SLC9A9: variants seen among roughly 807,000 people sequenced by gnomAD.
SLC9A9 encodes the protein solute carrier family 9 member A9.
SLC9A9 carries 62 observed loss-of-function variants against 77.8 expected under a neutral mutation model. The ratio of observed to expected loss-of-function variants is 0.80; its 90% CI spans 0.65 to 0.98. The LOEUF is 0.98. Among genes scored for constraint, SLC9A9 ranks in the 50% least tolerant of loss-of-function variants. The pLI is 0.00. For missense variants in SLC9A9, 775 were observed against 774.9 expected (o/e 1.00, Z 0.00); for synonymous variants, 320 against 283.5 (o/e 1.13, Z -1.29).
chr3:143,301,327 C>G (rs924326396), intron 14 of SLC9A9, among the ~76,000 whole-genome samples: 13 of 152,250 alleles, frequency 8.5e-5, no homozygotes, highest in African/African-American at 3.1e-4. Flanking sequence ...ATAGTACCAA[C>G]TGCTTCCTCT....
intron 12 of SLC9A9, among the ~76,000 whole-genome samples, chr3:143,441,119 C>T (rs1462942612): frequency 2.6e-5 from 4 of 152,188 alleles, no homozygotes; most frequent in Non-Finnish European, 4.4e-5. Flanking sequence ...TTCTAAGTTG[C>T]ATTTTCTCAG....
At chr3:143,737,195 C>T (rs1392463915) in intron 4 of SLC9A9, among the ~76,000 whole-genome samples, 4 of 152,106 alleles carry the variant, frequency 2.6e-5, no homozygotes, top group African/African-American at 7.2e-5. Context: ...TTTTCTGCTC[C>T]AGTATTTTAA....
chr3:143,840,935 T>C (rs756579404), intron 1 of SLC9A9, among the ~76,000 whole-genome samples: 1 of 152,244 alleles, frequency 6.6e-6, no homozygotes, highest in African/African-American at 2.4e-5. Context: ...TTGTGAGGAT[T>C]AGTGATAATG....
Position 143,466,619 on chromosome 3 carries a change from C to T in SLC9A9, c.1469+418G>A, listed in dbSNP as rs940153257. 5.9e-5 allele frequency among the ~76,000 whole-genome samples: 9 copies of T among 152,110 alleles called. No homozygotes were observed. In the South Asian group the frequency reaches 6.2e-4, roughly 11 times the overall value. ...TATGTCCCTGTTTCTGTTGTAAGTG[C>T]GGTGAGGAATTAAAAAACAATAAAT... On this transcript the variant is annotated intron_variant, in intron 12 of 15. Coordinates refer to ENST00000316549, the MANE Select transcript of SLC9A9 (RefSeq NM_173653.4).
At chr3:143,394,582 A>C (rs1326390251) in intron 12 of SLC9A9, among the ~76,000 whole-genome samples, 2 of 152,180 alleles carry the variant, frequency 1.3e-5, no homozygotes. Flanking sequence ...TATTCAACAC[A>C]GGTTGGAAGT....
intron 8 of SLC9A9, among the ~76,000 whole-genome samples, chr3:143,562,679 T>C (rs1326816915): frequency 1.3e-5 from 2 of 151,008 alleles, no homozygotes; most frequent in Non-Finnish European, 2.9e-5. Flanking sequence ...GGCAAAGTAT[T>C]TCTTCATTTT....
intron 6 of SLC9A9, 131 bp downstream of exon 6, chr3:143,652,124 A>G: frequency 1.3e-6 from 1 of 744,726 alleles, no homozygotes. Context: ...CCCATTATGG[A>G]AATTTTCTGT....
At chr3:143,626,101 A>AT (rs2038319172) in intron 6 of SLC9A9, among the ~76,000 whole-genome samples, 1 of 152,244 alleles carries the variant, frequency 6.6e-6, no homozygotes, top group South Asian at 2.1e-4. Context: ...GCGATCATTA[A>AT]AAAGTCAGGA....
chr3:143,514,877 C>T (rs1034779998), intron 9 of SLC9A9, among the ~76,000 whole-genome samples: 4 of 152,156 alleles, frequency 2.6e-5, no homozygotes, highest in African/African-American at 9.7e-5. Flanking sequence ...TTTGTGTGTT[C>T]ACTGGAGTAG....
chr3:143,496,183 T>G (rs2035831059), intron 9 of SLC9A9, among the ~76,000 whole-genome samples: 1 of 152,210 alleles, frequency 6.6e-6, no homozygotes, highest in Non-Finnish European at 1.5e-5. Context: ...ATGAGGGATG[T>G]TCCCAAGAGT....
At chr3:143,656,834 C>T (rs1280139423) in intron 5 of SLC9A9, among the ~76,000 whole-genome samples, 2 of 152,146 alleles carry the variant, frequency 1.3e-5, no homozygotes, top group Admixed American at 6.5e-5. Flanking sequence ...GCAGCTGAAT[C>T]GGTGTCAGGC....
intron 1 of SLC9A9, among the ~76,000 whole-genome samples, chr3:143,846,835 A>G (rs968452156): frequency 1.3e-5 from 2 of 151,438 alleles, no homozygotes; most frequent in East Asian, 3.9e-4. Context: ...ACATATGTAT[A>G]CATGTGCCAT....
chr3:143,599,226 C>A (rs3894056), intron 6 of SLC9A9, among the ~76,000 whole-genome samples: 3,658 of 152,216 alleles, frequency 0.024, 140 homozygotes, highest in African/African-American at 0.083. Context: ...CTATTTAACT[C>A]GTAAAAAACA....
intron 14 of SLC9A9, among the ~76,000 whole-genome samples, chr3:143,279,888 T>C (rs1402911366): frequency 6.6e-6 from 1 of 152,216 alleles, no homozygotes; most frequent in Non-Finnish European, 1.5e-5. Flanking sequence ...GTGACAATCA[T>C]GGCTCACTGC....
chr3:143,805,104 G>T (rs571174988), intron 2 of SLC9A9, among the ~76,000 whole-genome samples: 1 of 152,226 alleles, frequency 6.6e-6, no homozygotes, highest in African/African-American at 2.4e-5. Flanking sequence ...ACCCCTTTGG[G>T]CACTCTCTAA....
At chr3:143,332,128 A>G (rs1351991789) in intron 14 of SLC9A9, among the ~76,000 whole-genome samples, 1 of 152,240 alleles carries the variant, frequency 6.6e-6, no homozygotes, top group Non-Finnish European at 1.5e-5. Flanking sequence ...TAACTTATGC[A>G]GGATCTTTCA....
chr3:143,721,016 C>A (rs1934484872), intron 4 of SLC9A9, among the ~76,000 whole-genome samples: 1 of 152,176 alleles, frequency 6.6e-6, no homozygotes, highest in South Asian at 2.1e-4. Flanking sequence ...CGAGACCAGC[C>A]TAGGCAACAT....
At chr3:143,461,135 TA>T in intron 12 of SLC9A9, among the ~76,000 whole-genome samples, 1 of 152,308 alleles carries the variant, frequency 6.6e-6, no homozygotes, top group Non-Finnish European at 1.5e-5. Flanking sequence ...ATTAAATATC[TA>T]AAAAGTTCCC....
intron 4 of SLC9A9, among the ~76,000 whole-genome samples, chr3:143,768,172 T>C (rs4839607): frequency 0.48 from 72,494 of 151,862 alleles, 20,687 homozygotes; most frequent in African/African-American, 0.8. Context: ...AGGGTACACA[T>C]ATCAGGGGCT....
Sources: allele counts gnomAD v4.1 joint callset (sites outside exome capture counted in the v4.1 genomes callset), GRCh38; gene constraint gnomAD v4.1.1; transcripts MANE v1.5; gene names NCBI Gene and HGNC (gene_info 2026-07-23, HGNC 2026-07-21).